Variants in ENOX1 observed in about 807,000 individuals in gnomAD.
ENOX1 encodes the protein candidate growth-related and time keeping constitutive hydroquinone (NADH) oxidase.
A neutral mutation model predicts 82.5 loss-of-function variants in ENOX1; 42 were observed. The ratio of observed to expected loss-of-function variants is 0.51; its 90% CI spans 0.40 to 0.66. The LOEUF (loss-of-function observed/expected upper bound fraction) is 0.66, where lower values mean the gene tolerates loss of function less well. ENOX1 is among the 30% of genes least tolerant of loss of function. The pLI is 0.00. For missense variants in ENOX1, 608 were observed against 811.6 expected, an observed-to-expected ratio of 0.75 and a Z score of 3.05; for synonymous variants, 271 against 282.2, an observed-to-expected ratio of 0.96 and a Z score of 0.40.
At chr13:43,450,624 C>T (rs1332909945) in intron 3 of ENOX1, among the ~76,000 whole-genome samples, 1 of 152,090 alleles carries the variant, frequency 6.6e-6, no homozygotes, top group Non-Finnish European at 1.5e-5. Context: ...ATAATTTCAG[C>T]AGGCTCTGTG....
intron 15 of ENOX1, among the ~76,000 whole-genome samples, chr13:43,229,311 C>T (rs1029089999): frequency 2.0e-5 from 3 of 152,166 alleles, no homozygotes; most frequent in Admixed American, 6.5e-5. Flanking sequence ...ACAGCGATTA[C>T]GTGAAGCCCT....
At chr13:43,771,285 A>G (rs540476295) in intron 1 of ENOX1, among the ~76,000 whole-genome samples, 1 of 152,222 alleles carries the variant, frequency 6.6e-6, no homozygotes, top group African/African-American at 2.4e-5. Context: ...TCTCAGCACT[A>G]TCATATTAGA....
At chr13:43,502,947 T>C (rs1018839928) in intron 2 of ENOX1, among the ~76,000 whole-genome samples, 3 of 151,536 alleles carry the variant, frequency 2.0e-5, no homozygotes, top group African/African-American at 7.3e-5. Flanking sequence ...GCTGATGACA[T>C]GATTTTATAT....
At chr13:43,404,999 A>AT (rs2053710266) in intron 5 of ENOX1, among the ~76,000 whole-genome samples, 1 of 152,218 alleles carries the variant, frequency 6.6e-6, no homozygotes, top group African/African-American at 2.4e-5. Context: ...TATCCCCTTC[A>AT]TCATGGCTGT....
At chr13:43,417,705 C>T (rs1435066128) in intron 3 of ENOX1, among the ~76,000 whole-genome samples, 3 of 152,154 alleles carry the variant, frequency 2.0e-5, no homozygotes, top group African/African-American at 7.2e-5. Flanking sequence ...ACTCTGAATA[C>T]AGTAGGTGAT....
intron 12 of ENOX1, among the ~76,000 whole-genome samples, chr13:43,287,712 A>G (rs938241389): frequency 2.0e-5 from 3 of 152,222 alleles, no homozygotes; most frequent in Non-Finnish European, 4.4e-5. Context: ...GCTAAAAAAC[A>G]TATAAGGAGG....
intron 1 of ENOX1, among the ~76,000 whole-genome samples, chr13:43,674,838 G>C (rs978805059): frequency 4.6e-5 from 7 of 152,128 alleles, no homozygotes. Flanking sequence ...TGTGGGTTGT[G>C]GGGAGCTATA....
chr13:43,337,193 A>G (rs1309451618), intron 9 of ENOX1, among the ~76,000 whole-genome samples: 1 of 152,206 alleles, frequency 6.6e-6, no homozygotes, highest in Non-Finnish European at 1.5e-5. Flanking sequence ...TTTCAGCACC[A>G]CGTTCCTTTC....
At chr13:43,527,501 A>T (rs1022448146) in intron 2 of ENOX1, among the ~76,000 whole-genome samples, 13 of 152,146 alleles carry the variant, frequency 8.5e-5, no homozygotes, top group East Asian at 1.9e-4. Context: ...TTGATTTTTT[A>T]AAAAATATAT....
At chr13:43,744,479 A>C (rs1949915651) in intron 1 of ENOX1, among the ~76,000 whole-genome samples, 1 of 152,200 alleles carries the variant, frequency 6.6e-6, no homozygotes, top group Admixed American at 6.5e-5. Context: ...ATCTTTCCTC[A>C]GGCCTGGTGA....
chr13:43,695,395 A>G (rs1297024801), intron 1 of ENOX1, among the ~76,000 whole-genome samples: 2 of 151,926 alleles, frequency 1.3e-5, no homozygotes, highest in Non-Finnish European at 2.9e-5. Flanking sequence ...CCTTGGTTCA[A>G]CAAAACATAT....
intron 3 of ENOX1, among the ~76,000 whole-genome samples, chr13:43,416,485 T>C (rs1356543319): frequency 1.1e-4 from 14 of 128,162 alleles, no homozygotes; most frequent in Non-Finnish European, 1.8e-4. Flanking sequence ...GAGGCGCTCC[T>C]CACTTCCCAG....
intron 2 of ENOX1, among the ~76,000 whole-genome samples, chr13:43,485,415 C>G (rs540477345): frequency 1.3e-5 from 2 of 152,244 alleles, no homozygotes; most frequent in African/African-American, 4.8e-5. Flanking sequence ...GACCAAAAGT[C>G]CCTTAGAGAG....
At chr13:43,241,214 A>T (rs1009744170) in intron 14 of ENOX1, among the ~76,000 whole-genome samples, 2 of 152,244 alleles carry the variant, frequency 1.3e-5, no homozygotes, top group African/African-American at 4.8e-5. Context: ...GAGAATGGAA[A>T]GGACCTTATC....
intron 2 of ENOX1, among the ~76,000 whole-genome samples, chr13:43,580,339 G>T (rs2080657581): frequency 6.6e-6 from 1 of 152,098 alleles, no homozygotes. Context: ...GTAAACAGTG[G>T]ACACTTTTGT....
At chr13:43,510,744 T>C (rs1366337156) in intron 2 of ENOX1, among the ~76,000 whole-genome samples, 1 of 152,272 alleles carries the variant, frequency 6.6e-6, no homozygotes, top group South Asian at 2.1e-4. Flanking sequence ...CTATATGATC[T>C]TGAGAAAGTT....
intron 2 of ENOX1, among the ~76,000 whole-genome samples, chr13:43,649,329 C>T (rs956295120): frequency 3.3e-5 from 5 of 152,180 alleles, no homozygotes; most frequent in South Asian, 4.1e-4. Flanking sequence ...GCAAACAATG[C>T]AGGGCAACGC....
At chr13:43,685,248 C>A (rs2086006262) in intron 1 of ENOX1, among the ~76,000 whole-genome samples, 1 of 152,160 alleles carries the variant, frequency 6.6e-6, no homozygotes, top group Non-Finnish European at 1.5e-5. Flanking sequence ...GTCTCACTTC[C>A]CAGCAATTGC....
At chr13:43,295,382 A>G (rs2046232459) in intron 12 of ENOX1, among the ~76,000 whole-genome samples, 1 of 152,232 alleles carries the variant, frequency 6.6e-6, no homozygotes, top group African/African-American at 2.4e-5. Flanking sequence ...GTAAACTCGG[A>G]AACTTCCAGA....
Sources: allele counts gnomAD v4.1 joint callset (sites outside exome capture counted in the v4.1 genomes callset), GRCh38; gene constraint gnomAD v4.1.1; transcripts MANE v1.5; gene names NCBI Gene and HGNC (gene_info 2026-07-23, HGNC 2026-07-21).